IQGAP2: variants seen among roughly 807,000 people sequenced by gnomAD.
IQGAP2 encodes the protein IQ motif containing GTPase activating protein 2.
Under a neutral mutation model 201.3 loss-of-function variants are expected in IQGAP2, and 173 were observed. The ratio of observed to expected loss-of-function variants is 0.86; its 90% CI spans 0.76 to 0.98. IQGAP2 has a LOEUF of 0.98. Ranked by LOEUF, IQGAP2 falls within the 50% of genes least tolerant of loss-of-function variation. IQGAP2 has a pLI of 0.00. For missense variants in IQGAP2, 1,687 were observed against 1,864.8 expected (o/e 0.90, Z 1.76); for synonymous variants, 675 against 673.9 (o/e 1.00, Z -0.03).
chr5:76,548,820 C>T (rs1049196141), intron 2 of IQGAP2, among the ~76,000 whole-genome samples: 1 of 152,122 alleles, frequency 6.6e-6, no homozygotes, highest in African/African-American at 2.4e-5. Flanking sequence ...TAGCAGAAAC[C>T]TGGCTCTCCT....
chr5:76,444,228 A>G (rs1490600843), intron 1 of IQGAP2, among the ~76,000 whole-genome samples: 1 of 152,232 alleles, frequency 6.6e-6, no homozygotes, highest in African/African-American at 2.4e-5. Flanking sequence ...TCTATTTAAA[A>G]TAAAGGAAAT....
chr5:76,677,933 AAAAT>A (rs965282656), intron 28 of IQGAP2, among the ~76,000 whole-genome samples: 27 of 152,116 alleles, frequency 1.8e-4, no homozygotes, highest in African/African-American at 4.1e-4. Flanking sequence ...CCTACCTCAA[AAAAT>A]AAATAAATAA....
At chr5:76,494,320 G>A (rs1431851560) in intron 2 of IQGAP2, among the ~76,000 whole-genome samples, 2 of 152,162 alleles carry the variant, frequency 1.3e-5, no homozygotes, top group African/African-American at 2.4e-5. Context: ...TGTGGCAAAA[G>A]GGTTCAGTCA....
chr5:76,543,168 C>A (rs1742881059), intron 2 of IQGAP2, among the ~76,000 whole-genome samples: 1 of 152,120 alleles, frequency 6.6e-6, no homozygotes, highest in African/African-American at 2.4e-5. Context: ...GCCCAGAACA[C>A]CCTCGCAGCA....
intron 2 of IQGAP2, among the ~76,000 whole-genome samples, chr5:76,466,197 T>A (rs191754654): frequency 6.6e-6 from 1 of 151,958 alleles, no homozygotes; most frequent in East Asian, 1.9e-4. Flanking sequence ...TTGAATTAGC[T>A]AGATGTGGTG....
intron 3 of IQGAP2, among the ~76,000 whole-genome samples, chr5:76,565,434 C>T (rs1376926498): frequency 1.3e-5 from 2 of 152,110 alleles, no homozygotes; most frequent in African/African-American, 4.8e-5. Context: ...AACCCTAGTT[C>T]CTCATTAATT....
chr5:76,646,810 C>T (rs1580712847), intron 17 of IQGAP2, among the ~76,000 whole-genome samples: 1 of 151,996 alleles, frequency 6.6e-6, no homozygotes, highest in Non-Finnish European at 1.5e-5. Context: ...CAAACTGTAC[C>T]ATTATAATTT....
intron 22 of IQGAP2, among the ~76,000 whole-genome samples, chr5:76,666,948 G>T (rs1308417722): frequency 6.6e-6 from 1 of 152,058 alleles, no homozygotes; most frequent in Non-Finnish European, 1.5e-5. Flanking sequence ...GTTTTTCCAT[G>T]TTGCCCAGGC....
At chr5:76,624,331 C>T (rs949437168) in intron 13 of IQGAP2, 1 of 152,144 alleles carries the variant, frequency 6.6e-6, no homozygotes, top group South Asian at 2.1e-4. Flanking sequence ...TGAAGCCTGA[C>T]CATCCCACAG....
At chr5:76,573,521 A>C (rs1745259755) in intron 4 of IQGAP2, among the ~76,000 whole-genome samples, 1 of 152,280 alleles carries the variant, frequency 6.6e-6, no homozygotes, top group African/African-American at 2.4e-5. Flanking sequence ...TCCAGGAGAA[A>C]TATAAATATA....
At chr5:76,558,414 T>C (rs1744099007) in intron 2 of IQGAP2, among the ~76,000 whole-genome samples, 1 of 152,252 alleles carries the variant, frequency 6.6e-6, no homozygotes, top group African/African-American at 2.4e-5. Context: ...ATGTAATTAT[T>C]TGAAAACAGA....
intron 20 of IQGAP2, among the ~76,000 whole-genome samples, chr5:76,658,114 T>C (rs138553395): frequency 4.1e-4 from 62 of 152,304 alleles, no homozygotes; most frequent in African/African-American, 1.3e-3. Context: ...AGGTAACTTA[T>C]GTTAACTTTC....
Position 76,632,026 on chromosome 5 carries a change from G to A in IQGAP2, c.1780G>A (p.Val594Met), listed in dbSNP as rs1750751117. 6.3e-7 allele frequency: 1 copy of A among 1,598,888 alleles called. No homozygotes were observed. Among genetic ancestry groups the A allele is most frequent in the South Asian group, 1.1e-5 (1 of 87,462 alleles). Residue 594 changes from valine (V) to methionine (M), a missense_variant and splice_region_variant, in exon 15 of 36, where the codon GTG becomes ATG. Transcript: ENST00000274364. ...GGCAAAAGAGCTCAAATCTGAAAGA[G>A]GTAAGTTGGTTTGTTACTTTAGCAC... ...VKAKELKSERVSSDGSWLKLN... is the reference protein window; with the variant it reads ...VKAKELKSERMSSDGSWLKLN...
intron 13 of IQGAP2, among the ~76,000 whole-genome samples, chr5:76,621,537 G>A (rs990933542): frequency 6.6e-6 from 1 of 152,182 alleles, no homozygotes; most frequent in Non-Finnish European, 1.5e-5. Flanking sequence ...TGCCTGAAGA[G>A]CATGCCGTAC....
At chr5:76,550,346 ATTTT>A (rs34933231) in intron 2 of IQGAP2, among the ~76,000 whole-genome samples, 1 of 135,262 alleles carries the variant, frequency 7.4e-6, no homozygotes, top group African/African-American at 2.8e-5. Context: ...GGCTGGCAGA[ATTTT>A]TTTTTTTTTT....
At chr5:76,535,498 T>C (rs767064158) in intron 2 of IQGAP2, among the ~76,000 whole-genome samples, 1 of 152,160 alleles carries the variant, frequency 6.6e-6, no homozygotes, top group Non-Finnish European at 1.5e-5. Context: ...GTGGGACCTC[T>C]TGTGCAAAAA....
At chr5:76,662,323 C>T (rs956253953) in intron 21 of IQGAP2, among the ~76,000 whole-genome samples, 26 of 152,170 alleles carry the variant, frequency 1.7e-4, no homozygotes, top group African/African-American at 6.3e-4. Flanking sequence ...CTCCATTCCT[C>T]TCATTATCCT....
At chr5:76,443,340 A>G (rs1228566223) in intron 1 of IQGAP2, among the ~76,000 whole-genome samples, 1 of 152,134 alleles carries the variant, frequency 6.6e-6, no homozygotes, top group East Asian at 1.9e-4. Flanking sequence ...CATTTTATGT[A>G]TGTGAGAGGA....
At chr5:76,480,167 G>A (rs977489117) in intron 2 of IQGAP2, among the ~76,000 whole-genome samples, 1 of 152,150 alleles carries the variant, frequency 6.6e-6, no homozygotes, top group Non-Finnish European at 1.5e-5. Flanking sequence ...ACTTCACTCA[G>A]TGGGGTGTCT....
Sources: gnomAD v4.1 joint callset for allele counts (sites outside exome capture counted in the v4.1 genomes callset) on GRCh38, gnomAD v4.1.1 for gene constraint, MANE v1.5 for transcripts, NCBI Gene and HGNC (gene_info 2026-07-23, HGNC 2026-07-21) for gene names.